Variants in SLAMF6 observed in about 807,000 individuals in gnomAD.
The protein encoded by SLAMF6 is NK-T-B-antigen.
SLAMF6 carries 21 observed loss-of-function variants against 38.3 expected under a neutral mutation model. That is an observed-to-expected ratio of 0.55 (90% CI 0.39 to 0.79). The LOEUF (loss-of-function observed/expected upper bound fraction) is 0.79, where lower values mean the gene tolerates loss of function less well. Ranked by LOEUF, SLAMF6 falls within the 30% of genes least tolerant of loss-of-function variation. The pLI is 0.00. For synonymous variants in SLAMF6, 152 were observed against 146.3 expected (o/e 1.04, Z -0.28); for missense variants, 341 against 385.3 (o/e 0.89, Z 0.96).
intron 1 of SLAMF6, among the ~76,000 whole-genome samples, chr1:160,500,479 T>C (rs796092470): frequency 2.6e-4 from 40 of 152,300 alleles, no homozygotes; most frequent in African/African-American, 9.4e-4. Context: ...ATAAAGTCAT[T>C]AATGCAAACA....
chr1:160,490,714 G>C, intron 3 of SLAMF6, 29 bp from the exon 4 acceptor site: 1 of 1,608,912 alleles, frequency 6.2e-7, no homozygotes, highest in South Asian at 1.1e-5. Context: ...AATGACATTT[G>C]AGACACATCA....
At chr1:160,505,219 T>G (rs1654120367) in intron 1 of SLAMF6, among the ~76,000 whole-genome samples, 1 of 152,062 alleles carries the variant, frequency 6.6e-6, no homozygotes, top group South Asian at 2.1e-4. Flanking sequence ...CAAAACAAAA[T>G]ACTGAGGAAG....
intron 1 of SLAMF6, among the ~76,000 whole-genome samples, chr1:160,501,644 AAGCTATG>A (rs1449896814): frequency 1.3e-5 from 2 of 152,100 alleles, no homozygotes; most frequent in African/African-American, 4.8e-5. Context: ...TCTTGAATAA[AAGCTATG>A]AGTTCTCCAT....
rs372014628 is a variant in SLAMF6 at position 160,500,329 on chromosome 1, T to C, written c.50-3936A>G. 5.3e-5 allele frequency among the ~76,000 whole-genome samples: 8 copies of C among 152,238 alleles called. No homozygotes were observed. In the East Asian group the frequency reaches 1.5e-3, roughly 29 times the overall value. On this transcript the variant is annotated intron_variant, in intron 1 of 7. Coordinates refer to ENST00000368057, the MANE Select transcript of SLAMF6 (RefSeq NM_001184714.2). ...GGCCATTTCTCTTTCTTTGACCTAATTCCTATATTCTCCCCCTTGTTCACT... is the reference window on the plus strand; with the variant it reads ...GGCCATTTCTCTTTCTTTGACCTAACTCCTATATTCTCCCCCTTGTTCACT...
chr1:160,490,344 G>A (rs1653219137), intron 4 of SLAMF6, 108 bp from the exon 5 acceptor site: 2 of 1,551,214 alleles, frequency 1.3e-6, no homozygotes, highest in South Asian at 2.3e-5. Context: ...CAAAAGGAAG[G>A]GCAAGCAGCC....
At chr1:160,489,955 AG>A (rs1653191161) in intron 5 of SLAMF6, among the ~76,000 whole-genome samples, 1 of 152,172 alleles carries the variant, frequency 6.6e-6, no homozygotes, top group South Asian at 2.1e-4. Flanking sequence ...CTCCATCAGC[AG>A]GGTGGTGAAT....
At chr1:160,495,975 G>A (rs1026082031) in intron 2 of SLAMF6, 86 bp downstream of exon 2, 13 of 1,229,568 alleles carry the variant, frequency 1.1e-5, no homozygotes, top group Middle Eastern at 2.7e-4. Flanking sequence ...ACCACTAGGC[G>A]ACAGTGCACA....
intron 1 of SLAMF6, among the ~76,000 whole-genome samples, chr1:160,501,912 G>A (rs1305612380): frequency 6.6e-6 from 1 of 152,086 alleles, no homozygotes; most frequent in Non-Finnish European, 1.5e-5. Flanking sequence ...TGAGATGGTA[G>A]GAATAGTTCC....
chr1:160,508,113 C>G (rs1401357333), intron 1 of SLAMF6, among the ~76,000 whole-genome samples: 4 of 152,108 alleles, frequency 2.6e-5, no homozygotes, highest in Non-Finnish European at 2.9e-5. Flanking sequence ...AATGCCATCC[C>G]CATCAAGCTA....
At chr1:160,487,048 C>A (rs1653001971) in intron 7 of SLAMF6, 56 bp downstream of exon 7, 1 of 1,422,756 alleles carries the variant, frequency 7.0e-7, no homozygotes, top group Admixed American at 1.9e-5. Context: ...TTTGAAAAAT[C>A]ATAGGTCTGT....
intron 1 of SLAMF6, among the ~76,000 whole-genome samples, chr1:160,501,066 A>C (rs1188606444): frequency 6.6e-6 from 1 of 152,262 alleles, no homozygotes; most frequent in Non-Finnish European, 1.5e-5. Context: ...CAATCTGCAA[A>C]GACAAGCACA....
intron 2 of SLAMF6, 147 bp from the exon 3 acceptor site, chr1:160,491,535 T>C: frequency 8.6e-7 from 1 of 1,163,640 alleles, no homozygotes; most frequent in Non-Finnish European, 1.2e-6. Flanking sequence ...CTGCTTATAT[T>C]GCCTAATTGA....
rs113599729 is a variant in SLAMF6, at chr1:160,486,631, G to A, written c.*76C>T. On this transcript the variant is annotated 3_prime_UTR_variant, in exon 8 of 8. Coordinates refer to ENST00000368057, the MANE Select transcript of SLAMF6 (RefSeq NM_001184714.2). ...TGTTGCCAGGAACAACAGGAACCAA[G>A]CTTCCTGTTCTTTGTTCTGTCTCAT... 2.8e-6 allele frequency: 4 copies of A among 1,451,454 alleles called. No homozygotes were observed. The highest frequency in any genetic ancestry group is 1.1e-5 in the South Asian group (1 of 87,240). 89.9% of individuals were successfully genotyped at this position (1,451,454 alleles called of 1,614,324 possible). A position where few individuals can be genotyped will look rare whatever the true frequency, so the allele number is the denominator to read the frequency against.
intron 1 of SLAMF6, among the ~76,000 whole-genome samples, chr1:160,502,410 C>T (rs1271585675): frequency 2.0e-5 from 3 of 152,170 alleles, no homozygotes; most frequent in Admixed American, 6.5e-5. Context: ...GATGTCAAGA[C>T]AGCAGACATT....
rs374573194 is a variant in SLAMF6, at chr1:160,499,096, T to G, written c.50-2703A>C. 4.6e-5 allele frequency among the ~76,000 whole-genome samples: 7 copies of G among 152,234 alleles called. No individual in the cohort carries two copies. In the East Asian group the frequency reaches 5.8e-4, roughly 13 times the overall value. On this transcript the variant is annotated intron_variant, in intron 1 of 7. Coordinates refer to ENST00000368057, the MANE Select transcript of SLAMF6 (RefSeq NM_001184714.2). The stretch of plus-strand genomic sequence containing the variant: ...TTCCACTTGTCAATTTTCGTTTTTG[T>G]TGCAATTGCTTTTGGGGACCTAGCC...
At chr1:160,515,830 A>T (rs1453410780) in intron 1 of SLAMF6, among the ~76,000 whole-genome samples, 1 of 152,210 alleles carries the variant, frequency 6.6e-6, no homozygotes, top group Non-Finnish European at 1.5e-5. Context: ...ACTCTCAATA[A>T]ACCAGGTATT....
chr1:160,491,539 T>A, intron 2 of SLAMF6, 151 bp from the exon 3 acceptor site: 1 of 1,101,146 alleles, frequency 9.1e-7, no homozygotes, highest in Non-Finnish European at 1.3e-6. Flanking sequence ...TTATATTGCC[T>A]AATTGATGGT....
chr1:160,490,720 C>T (rs557629607), intron 3 of SLAMF6, 35 bp from the exon 4 acceptor site: 2 of 1,606,220 alleles, frequency 1.2e-6, no homozygotes, highest in African/African-American at 1.3e-5. Flanking sequence ...ATTTGAGACA[C>T]ATCAAGTGAG....
Position 160,489,177 on chromosome 1 carries a change from A to G in SLAMF6, c.797-7T>C. 1 of 1,613,796 alleles carries G rather than the reference A, an allele frequency of 6.2e-7. No homozygotes were observed. On this transcript the variant is annotated splice_region_variant and splice_polypyrimidine_tract_variant and intron_variant, in intron 5 of 7. Coordinates refer to ENST00000368057, the MANE Select transcript of SLAMF6 (RefSeq NM_001184714.2). ...AGGTTCCTTGCGGACTCTGCTGTTAACATAGGAAGGCACAGTCAATGGCAC... is the reference window on the plus strand; with the variant it reads ...AGGTTCCTTGCGGACTCTGCTGTTAGCATAGGAAGGCACAGTCAATGGCAC...
Sources: allele counts gnomAD v4.1 joint callset (sites outside exome capture counted in the v4.1 genomes callset), GRCh38; gene constraint gnomAD v4.1.1; transcripts MANE v1.5; gene names NCBI Gene and HGNC (gene_info 2026-07-23, HGNC 2026-07-21).